PRKAR1B: variants seen among roughly 807,000 people sequenced by gnomAD.
The protein encoded by PRKAR1B is protein kinase cAMP-dependent type I regulatory subunit beta.
Under a neutral mutation model 46.5 loss-of-function variants are expected in PRKAR1B, and 22 were observed. That is an observed-to-expected ratio of 0.47 (90% CI 0.34 to 0.68). The LOEUF is 0.68. Among genes scored for constraint, PRKAR1B ranks in the 30% least tolerant of loss-of-function variants. PRKAR1B has a pLI of 0.01. For missense variants in PRKAR1B, 445 were observed against 535.6 expected, an observed-to-expected ratio of 0.83 and a Z score of 1.67; for synonymous variants, 259 against 217.7, an observed-to-expected ratio of 1.19 and a Z score of -1.67.
chr7:714,190 G>T lies in PRKAR1B; in HGVS notation c.-22-2663C>A, dbSNP rs995143633. On this transcript the variant is annotated intron_variant, in intron 1 of 10. Coordinates refer to ENST00000537384, the MANE Select transcript of PRKAR1B (RefSeq NM_001164760.2). The surrounding 1 kb of genome is among the most constrained non-coding windows in gnomAD (Gnocchi z 4.3). ...CCAAGGCGACGTCTCGCTTCGGGGG[G>T]CAGATGCTCCAGGCCTGGCTGCTTC... Among the ~76,000 whole-genome samples, 2 of 152,132 alleles carry T rather than the reference G, an allele frequency of 1.3e-5. No individual in the cohort carries two copies. The highest frequency in any genetic ancestry group is 4.8e-5 in the African/African-American group (2 of 41,412).
At chr7:710,519 G>A (rs140307880) in intron 2 of PRKAR1B, among the ~76,000 whole-genome samples, 2,522 of 152,210 alleles carry the variant, frequency 0.017, 53 homozygotes, top group African/African-American at 0.047. Context: ...ACCGTGAGCA[G>A]GCCTGAGCTT....
intron 9 of PRKAR1B, among the ~76,000 whole-genome samples, chr7:568,109 T>C (rs1779284292): frequency 6.6e-6 from 1 of 152,194 alleles, no homozygotes; most frequent in African/African-American, 2.4e-5. Flanking sequence ...CTCAACTCAC[T>C]CCACCTATGG....
Position 550,196 on chromosome 7 carries a change from C to A in PRKAR1B, c.*234G>T. On this transcript the variant is annotated 3_prime_UTR_variant, in exon 11 of 11. Coordinates refer to ENST00000537384, the MANE Select transcript of PRKAR1B (RefSeq NM_001164760.2). ...GGGAGGCGTGTGGGGAGGAAGCTGG[C>A]CTGTCCCTTCCTTGATCTTGGGATG... 1 of 538,048 alleles carries A rather than the reference C, an allele frequency of 1.9e-6. No homozygotes were observed. 33.3% of individuals were successfully genotyped at this position (538,048 alleles called of 1,614,324 possible). A position where few individuals can be genotyped will look rare whatever the true frequency, so the allele number is the denominator to read the frequency against.
At chr7:610,311 G>A (rs1423596064) in intron 4 of PRKAR1B, among the ~76,000 whole-genome samples, 1 of 152,208 alleles carries the variant, frequency 6.6e-6, no homozygotes, top group Non-Finnish European at 1.5e-5. Context: ...GGGCTGTTCA[G>A]TCCTTGGTAT....
At chr7:655,461 C>T (rs902535299) in intron 4 of PRKAR1B, among the ~76,000 whole-genome samples, 1 of 152,192 alleles carries the variant, frequency 6.6e-6, no homozygotes, top group African/African-American at 2.4e-5. Context: ...CAGGTATTTC[C>T]TCAATCTTCC....
At chr7:704,196 A>G (rs1489290741) in intron 2 of PRKAR1B, among the ~76,000 whole-genome samples, 1 of 152,168 alleles carries the variant, frequency 6.6e-6, no homozygotes, top group Non-Finnish European at 1.5e-5. Flanking sequence ...GAAATGAAAT[A>G]ATAAAAATAA....
At chr7:713,175 C>T in intron 1 of PRKAR1B, 1 of 153,194 alleles carries the variant, frequency 6.5e-6, no homozygotes, top group Non-Finnish European at 1.5e-5. Context: ...CACACCGTTG[C>T]CCCATCCTGC....
In PRKAR1B at chr7:682,330, T is replaced by A. The variant is rs146457518; in HGVS notation, c.178-1604A>T. 2.4e-3 allele frequency among the ~76,000 whole-genome samples: 359 copies of A among 152,282 alleles called. 1 individual carries two copies. The highest frequency in any genetic ancestry group is 8.0e-3 in the African/African-American group (333 of 41,572). ...CAGGCCAAGTGCGGTGGCTTCAGGC[T>A]GGGTGTGGTGGCTTCTGGCCGGGTG... On this transcript the variant is annotated intron_variant, in intron 2 of 10. Transcript: ENST00000537384.
intron 6 of PRKAR1B, chr7:603,323 C>T (rs912103428): frequency 6.6e-6 from 1 of 152,330 alleles, no homozygotes; most frequent in African/African-American, 2.4e-5. Context: ...AGCCCAGCCG[C>T]AGATAGATGA....
At chr7:571,500 T>C (rs1037823602) in intron 9 of PRKAR1B, among the ~76,000 whole-genome samples, 3 of 152,210 alleles carry the variant, frequency 2.0e-5, no homozygotes, top group Admixed American at 6.5e-5. Context: ...ACGTGTTGTT[T>C]TGCAGTTGTT....
chr7:558,682 G>C (rs905238129), intron 9 of PRKAR1B, among the ~76,000 whole-genome samples: 3 of 152,104 alleles, frequency 2.0e-5, no homozygotes, highest in East Asian at 3.9e-4. Context: ...GAACCGAGAG[G>C]GGGAGGTTGC....
rs976442949 is a variant in PRKAR1B, at chr7:715,947, C to A, written c.-22-4420G>T. Among the ~76,000 whole-genome samples the A allele has an allele frequency of 4.2e-4, 64 of 152,274 alleles. No individual in the cohort carries two copies. The East Asian group carries it at 0.012, about 28-fold the overall frequency. On this transcript the variant is annotated intron_variant, in intron 1 of 10. Transcript: ENST00000537384. ...AGCCAGGATGGTCTCGGTCTCCTGA[C>A]CTCGTGATCCGCCCGCCTTGGCCTC...
chr7:631,648 T>C (rs1783748058), intron 4 of PRKAR1B, among the ~76,000 whole-genome samples: 1 of 152,184 alleles, frequency 6.6e-6, no homozygotes, highest in Non-Finnish European at 1.5e-5. Context: ...CTGGGGATCC[T>C]GTGAGACTCC....
At chr7:600,648 C>T (rs1441891008) in intron 6 of PRKAR1B, among the ~76,000 whole-genome samples, 3 of 152,196 alleles carry the variant, frequency 2.0e-5, no homozygotes, top group East Asian at 3.9e-4. Context: ...TTCCCCCAGA[C>T]GTGTTGTGTG....
chr7:651,583 C>T (rs1237764284), intron 4 of PRKAR1B, among the ~76,000 whole-genome samples: 2 of 150,388 alleles, frequency 1.3e-5, no homozygotes, highest in African/African-American at 2.5e-5. Context: ...TTCACACCCA[C>T]ACAGTGCTAG....
intron 8 of PRKAR1B, among the ~76,000 whole-genome samples, chr7:583,443 ACACTCACACC>A (rs1397938567): frequency 3.4e-5 from 2 of 59,360 alleles, no homozygotes; most frequent in Non-Finnish European, 7.2e-5. Context: ...CCCACAGTGC[ACACTCACACC>A]CACTCACACA....
intron 4 of PRKAR1B, among the ~76,000 whole-genome samples, chr7:617,730 C>T (rs2128472203): frequency 6.6e-6 from 1 of 152,300 alleles, no homozygotes; most frequent in Middle Eastern, 3.4e-3. Context: ...AGAGCCTGGG[C>T]CTGTGAACCC....
chr7:588,522 G>GTGACGGTGGTGA (rs1780737891), intron 7 of PRKAR1B, among the ~76,000 whole-genome samples: 1 of 84,964 alleles, frequency 1.2e-5, no homozygotes, highest in African/African-American at 4.6e-5. Context: ...CACGATGATG[G>GTGACGGTGGTGA]TGGTGACGGT....
Position 579,241 on chromosome 7 carries a change from G to C in PRKAR1B, c.891+15C>G. The stretch of plus-strand genomic sequence containing the variant: ...AGTGCACACCCAGAGCGCCCACGTG[G>C]GAAGCACGTCTCACCTCCGTGATGA... On this transcript the variant is annotated intron_variant, in intron 9 of 10. Coordinates refer to ENST00000537384, the MANE Select transcript of PRKAR1B (RefSeq NM_001164760.2). 6.2e-7 allele frequency: 1 copy of C among 1,613,988 alleles called. No homozygotes were observed. Among genetic ancestry groups the C allele is most frequent in the Non-Finnish European group, 8.5e-7 (1 of 1,179,986 alleles).
Sources: allele counts gnomAD v4.1 joint callset (sites outside exome capture counted in the v4.1 genomes callset), GRCh38; gene constraint gnomAD v4.1.1; non-coding constraint Gnocchi (gnomAD v3.1); transcripts MANE v1.5; gene names NCBI Gene and HGNC (gene_info 2026-07-23, HGNC 2026-07-21).